The following NDUFA9 variants were observed in gnomAD, a reference collection of about 807,000 sequenced individuals.
The protein encoded by NDUFA9 is NADH:ubiquinone oxidoreductase subunit A9.
In NDUFA9, 23 loss-of-function variants were observed where a neutral mutation model predicts 45.9. The ratio of observed to expected loss-of-function variants is 0.50; its 90% CI spans 0.36 to 0.71. The LOEUF (loss-of-function observed/expected upper bound fraction) is 0.71. NDUFA9 is among the 30% of genes least tolerant of loss of function. The pLI, the probability that NDUFA9 is intolerant of heterozygous loss-of-function variation, is 0.00. For missense variants in NDUFA9, 466 were observed against 488.2 expected, an observed-to-expected ratio of 0.95 and a Z score of 0.43; for synonymous variants, 176 against 170.5, an observed-to-expected ratio of 1.03 and a Z score of -0.25.
chr12:4,684,162 A>G (rs184486237), intron 9 of NDUFA9, among the ~76,000 whole-genome samples: 316 of 152,314 alleles, frequency 2.1e-3, no homozygotes, highest in African/African-American at 7.2e-3. Context: ...TTATTAAGCT[A>G]TGTTAGCCCA....
intron 9 of NDUFA9, among the ~76,000 whole-genome samples, chr12:4,684,512 G>A (rs976286528): frequency 1.3e-5 from 2 of 152,132 alleles, no homozygotes; most frequent in African/African-American, 2.4e-5. Flanking sequence ...GTGTACACCT[G>A]TAGTCCCAGC....
chr12:4,692,573 T>C lies in NDUFA9; in HGVS notation c.*5465T>C, dbSNP rs1226039368. The C allele has an allele frequency of 3.9e-5, 6 of 152,186 alleles. No individual in the cohort carries two copies. Among genetic ancestry groups the C allele is most frequent in the Admixed American group, 2.6e-4 (4 of 15,286 alleles). 9.4% of individuals were successfully genotyped at this position (152,186 alleles called of 1,614,324 possible). A position where few individuals can be genotyped will look rare whatever the true frequency, so the allele number is the denominator to read the frequency against. On this transcript the variant is annotated 3_prime_UTR_variant, in exon 11 of 11. Transcript: ENST00000266544. ...CCTAATCGTGTTAGGAAGAAGCCTG[T>C]CTGAAGTGCAGTCAGGCTGAGGGGA... is the stretch of plus-strand genomic sequence containing the variant.
At chr12:4,650,237 G>A (rs761653699) in intron 1 of NDUFA9, among the ~76,000 whole-genome samples, 3 of 151,924 alleles carry the variant, frequency 2.0e-5, no homozygotes, top group Non-Finnish European at 4.4e-5. Flanking sequence ...GTGTTTAGAG[G>A]ATCCTTTTTT....
At chr12:4,650,390 G>C (rs145100393) in intron 1 of NDUFA9, among the ~76,000 whole-genome samples, 1 of 152,150 alleles carries the variant, frequency 6.6e-6, no homozygotes, top group Non-Finnish European at 1.5e-5. Flanking sequence ...ATTGTATGAC[G>C]TAATGTAGAT....
rs1191756187 is a variant in NDUFA9 at position 4,691,554 on chromosome 12, G to A, written c.*4446G>A. 3.3e-5 allele frequency: 5 copies of A among 152,244 alleles called. No individual in the cohort carries two copies. Among genetic ancestry groups the A allele is most frequent in the East Asian group, 1.9e-4 (1 of 5,192 alleles). 9.4% of individuals were successfully genotyped at this position (152,244 alleles called of 1,614,324 possible). On this transcript the variant is annotated 3_prime_UTR_variant, in exon 11 of 11. Transcript: ENST00000266544. ...ACTCTAGAAGGTCTTGGAGTGAATG[G>A]GAGGTATAGTGGAATGGAGGGCGTA...
intron 5 of NDUFA9, among the ~76,000 whole-genome samples, chr12:4,659,577 G>A (rs143648099): frequency 1.6e-4 from 25 of 152,258 alleles, no homozygotes; most frequent in Middle Eastern, 3.4e-3. Context: ...TCTTAAAGGG[G>A]CAATGTGAAG....
At chr12:4,677,394 T>C (rs568466396) in intron 8 of NDUFA9, among the ~76,000 whole-genome samples, 2 of 152,290 alleles carry the variant, frequency 1.3e-5, no homozygotes, top group African/African-American at 4.8e-5. Flanking sequence ...ATTTTTGCAA[T>C]CTATCCTTCT....
intron 8 of NDUFA9, among the ~76,000 whole-genome samples, chr12:4,674,528 A>C (rs1290831968): frequency 6.6e-6 from 1 of 152,146 alleles, no homozygotes; most frequent in African/African-American, 2.4e-5. Context: ...TTGCAATCCT[A>C]CTCTGATAAA....
At chr12:4,686,424 G>GTTT (rs111320780) in intron 10 of NDUFA9, among the ~76,000 whole-genome samples, 4 of 135,530 alleles carry the variant, frequency 3.0e-5, no homozygotes, top group Admixed American at 7.3e-5. Flanking sequence ...AAAGTTACTT[G>GTTT]TTTTTTTTTT....
At chr12:4,685,873 T>TG (rs936110146) in intron 10 of NDUFA9, among the ~76,000 whole-genome samples, 1 of 142,492 alleles carries the variant, frequency 7.0e-6, no homozygotes, top group African/African-American at 2.6e-5. Context: ...GGATGCAAAA[T>TG]AAAATAAAAA....
chr12:4,666,677 C>A (rs906585667), intron 6 of NDUFA9, among the ~76,000 whole-genome samples: 1 of 152,062 alleles, frequency 6.6e-6, no homozygotes, highest in Admixed American at 6.5e-5. Flanking sequence ...AATCATTTGA[C>A]CATATATGCA....
chr12:4,668,662 T>A, intron 7 of NDUFA9, 138 bp downstream of exon 7: 2 of 763,018 alleles, frequency 2.6e-6, no homozygotes, highest in Non-Finnish European at 4.5e-6. Context: ...GCCTCTTAGT[T>A]TACTTAAGAG....
chr12:4,684,978 GTTGT>G (rs1945976247), intron 9 of NDUFA9: 3 of 597,060 alleles, frequency 5.0e-6, no homozygotes, highest in African/African-American at 1.9e-5. Flanking sequence ...TGTTTGCTTT[GTTGT>G]TTGTTGGTTT....
chr12:4,693,731 C>T lies in NDUFA9; in HGVS notation c.*6623C>T, dbSNP rs1415031214. ...TAGCACAAATTAAAACTAGCTATAC[C>T]TCACTGATAAGGACCTGAATGGCTA... On this transcript the variant is annotated 3_prime_UTR_variant, in exon 11 of 11. Coordinates refer to ENST00000266544, the MANE Select transcript of NDUFA9 (RefSeq NM_005002.5). 6.6e-6 allele frequency: 1 copy of T among 152,126 alleles called. No homozygotes were observed. Among genetic ancestry groups the T allele is most frequent in the African/African-American group, 2.4e-5 (1 of 41,404 alleles). The allele number at this position is 152,126 out of a possible 1,614,324, so 9.4% of individuals were successfully genotyped here.
intron 8 of NDUFA9, among the ~76,000 whole-genome samples, chr12:4,678,529 G>A (rs1437148363): frequency 6.6e-6 from 1 of 151,920 alleles, no homozygotes; most frequent in Non-Finnish European, 1.5e-5. Context: ...ACAGATTGGG[G>A]GAAAATATTT....
In NDUFA9 at chr12:4,694,184, G is replaced by C. The variant is rs1270854185; in HGVS notation, c.*7076G>C. On this transcript the variant is annotated 3_prime_UTR_variant, in exon 11 of 11. Transcript: ENST00000266544. The stretch of plus-strand genomic sequence containing the variant: ...GACGTGTACATTGTGTCTTAGCGTA[G>C]ATTCACCCGACCTCCTTCCCCAGTT... 6.6e-6 allele frequency: 1 copy of C among 152,210 alleles called. No homozygotes were observed. The highest frequency in any genetic ancestry group is 2.4e-5 in the African/African-American group (1 of 41,454). The allele number at this position is 152,210 out of a possible 1,614,324, so 9.4% of individuals were successfully genotyped here.
Position 4,668,531 on chromosome 12 carries a change from A to G in NDUFA9, c.723+7A>G. 1.9e-6 allele frequency: 3 copies of G among 1,606,328 alleles called. No individual in the cohort carries two copies. Among genetic ancestry groups the G allele is most frequent in the Non-Finnish European group, 2.6e-6 (3 of 1,172,950 alleles). On this transcript the variant is annotated splice_region_variant and intron_variant, in intron 7 of 10. Transcript: ENST00000266544. ...AGTTAAACAACCAGTATATGTAAGTACTTGGATGAAGGGGGTCAGAAAGGG... is the reference window on the plus strand; with the variant it reads ...AGTTAAACAACCAGTATATGTAAGTGCTTGGATGAAGGGGGTCAGAAAGGG...
chr12:4,664,425 T>C (rs1945841508), intron 6 of NDUFA9, among the ~76,000 whole-genome samples: 1 of 152,260 alleles, frequency 6.6e-6, no homozygotes. Flanking sequence ...TGGCTGTGAA[T>C]TTGAGCTATT....
intron 8 of NDUFA9, among the ~76,000 whole-genome samples, chr12:4,675,532 C>G (rs1945914424): frequency 6.6e-6 from 1 of 152,164 alleles, no homozygotes; most frequent in South Asian, 2.1e-4. Flanking sequence ...CTATAAACAC[C>G]TCTATACCAG....
Sources: allele counts gnomAD v4.1 joint callset (sites outside exome capture counted in the v4.1 genomes callset), GRCh38; gene constraint gnomAD v4.1.1; transcripts MANE v1.5; gene names NCBI Gene and HGNC (gene_info 2026-07-23, HGNC 2026-07-21).